VPS13A: variants seen among roughly 807,000 people sequenced by gnomAD.
VPS13A encodes vacuolar protein sorting 13 homolog A.
In VPS13A, 264 loss-of-function variants were observed where a neutral mutation model predicts 390.9. The ratio of observed to expected loss-of-function variants is 0.68; its 90% CI spans 0.61 to 0.75. The LOEUF is 0.75. VPS13A is among the 30% of genes least tolerant of loss of function. The pLI is 0.00. For synonymous variants in VPS13A, 1,231 were observed against 1,227.1 expected, an observed-to-expected ratio of 1.00 and a Z score of -0.07; for missense variants, 3,409 against 3,733.9, an observed-to-expected ratio of 0.91 and a Z score of 2.27.
At chr9:77,186,988 C>CA (rs1824379021) in intron 1 of VPS13A, among the ~76,000 whole-genome samples, 1 of 152,100 alleles carries the variant, frequency 6.6e-6, no homozygotes, top group South Asian at 2.1e-4. Context: ...CAGTATTTGC[C>CA]ATTTGTTATT....
chr9:77,379,407 A>G (rs1833308086), intron 67 of VPS13A, among the ~76,000 whole-genome samples: 1 of 151,804 alleles, frequency 6.6e-6, no homozygotes, highest in South Asian at 2.1e-4. Context: ...CACCCGGCTA[A>G]TTTTGTATTT....
intron 53 of VPS13A, 137 bp downstream of exon 53, chr9:77,351,583 C>A: frequency 9.0e-7 from 1 of 1,114,960 alleles, no homozygotes; most frequent in Non-Finnish European, 1.3e-6. Context: ...TCAGCCTGGC[C>A]AATAAGGTGA....
intron 59 of VPS13A, among the ~76,000 whole-genome samples, chr9:77,364,185 G>T (rs908814883): frequency 2.0e-5 from 3 of 152,110 alleles, no homozygotes; most frequent in African/African-American, 7.2e-5. Flanking sequence ...CAGCACTTTG[G>T]GAGGCCAAGG....
chr9:77,317,728 T>C, intron 40 of VPS13A, 30 bp downstream of exon 40: 1 of 1,507,514 alleles, frequency 6.6e-7, no homozygotes, highest in Non-Finnish European at 9.0e-7. Context: ...TTTGAATATT[T>C]AGTGCACTTA....
At chr9:77,402,768 C>CTAAG (rs1434516833) in intron 68 of VPS13A, among the ~76,000 whole-genome samples, 1 of 152,048 alleles carries the variant, frequency 6.6e-6, no homozygotes, top group East Asian at 1.9e-4. Flanking sequence ...TTATTTTTTA[C>CTAAG]TAAGTTGTGA....
In VPS13A at chr9:77,314,664, G is replaced by T. The variant is rs558129697; in HGVS notation, c.4412G>T (p.Arg1471Leu). The T allele has an allele frequency of 3.7e-6, 6 of 1,610,450 alleles. No homozygotes were observed. The African/African-American group carries it at 8.0e-5, about 22-fold the overall frequency. ...KRPHVKKATP[R>L]MIGLTVGFDK... ...CCTCATGTCAAGAAAGCAACTCCTC[G>T]GTATGTATTGTAATGATGTTCTAAG... The change falls in exon 37 of 72, where the codon CGA becomes CTA. Residue 1471 changes from arginine (R) to leucine (L), a missense_variant and splice_region_variant. By Grantham distance (102) the Arg-to-Leu change is moderately radical. Coordinates refer to ENST00000360280, the MANE Select transcript of VPS13A (RefSeq NM_033305.3).
At chr9:77,346,537 C>A (rs1373807477) in intron 52 of VPS13A, among the ~76,000 whole-genome samples, 1 of 152,082 alleles carries the variant, frequency 6.6e-6, no homozygotes, top group African/African-American at 2.4e-5. Flanking sequence ...TTAATTAGGT[C>A]CCATCTATTT....
rs1823149922 is a variant in VPS13A at position 77,220,530 on chromosome 9, C to T, written c.989+147C>T. 4.7e-6 allele frequency: 3 copies of T among 639,306 alleles called. No homozygotes were observed. The South Asian group carries it at 6.0e-5, about 13-fold the overall frequency. The allele number at this position is 639,306 out of a possible 1,614,324, so 39.6% of individuals were successfully genotyped here. On this transcript the variant is annotated intron_variant, in intron 12 of 71. Coordinates refer to ENST00000360280, the MANE Select transcript of VPS13A (RefSeq NM_033305.3). ...GATTTATAGCTAGAAATATATGTAG[C>T]TGCTTTAGCTTATTGAGTTAATGAA...
At position 77,398,619 on chromosome 9, in the gene VPS13A, A is replaced by G. The variant is rs73451857; in HGVS notation, c.9190-4617A>G. 3.6e-3 allele frequency among the ~76,000 whole-genome samples: 542 copies of G among 152,246 alleles called. 3 individuals carry two copies. The highest frequency in any genetic ancestry group is 0.012 in the African/African-American group (517 of 41,550). On this transcript the variant is annotated intron_variant, in intron 68 of 71. Transcript: ENST00000360280. Reference sequence around the variant, plus strand: ...GGCAGGAATTTGTGACTACAACGTGACATTTGTAGACTTTTTACAGCGTGA... The same window carrying G: ...GGCAGGAATTTGTGACTACAACGTGGCATTTGTAGACTTTTTACAGCGTGA...
In VPS13A at chr9:77,323,150, GGCGT is replaced by G; in HGVS notation, c.5915_5918del (p.Gly1972ValfsTer12). 6.2e-7 allele frequency: 1 copy of G among 1,613,592 alleles called. No individual in the cohort carries two copies. The highest frequency in any genetic ancestry group is 8.5e-7 in the Non-Finnish European group (1 of 1,179,678). On this transcript the variant is annotated frameshift_variant, in exon 45 of 72. Transcript: ENST00000360280. LOFTEE classifies it high-confidence loss of function. ...GTACACTGTAAGACACAGAGAGTCT[GGCGT>G]TGAAAGATCTATTGTTTGTCAAATT... is the stretch of plus-strand genomic sequence containing the variant.
intron 10 of VPS13A, among the ~76,000 whole-genome samples, chr9:77,217,840 A>T (rs553408641): frequency 6.7e-6 from 1 of 149,612 alleles, no homozygotes; most frequent in African/African-American, 2.5e-5. Context: ...CCAGTAATGG[A>T]ATTGCTGGAT....
intron 67 of VPS13A, among the ~76,000 whole-genome samples, chr9:77,373,251 G>A (rs1832881987): frequency 6.7e-6 from 1 of 149,008 alleles, no homozygotes; most frequent in Admixed American, 6.8e-5. Flanking sequence ...CAAGGCTACA[G>A]TAACCAAAAG....
At position 77,319,702 on chromosome 9, in the gene VPS13A, A is replaced by G. The variant is rs781056768; in HGVS notation, c.5415+29A>G. On this transcript the variant is annotated intron_variant, in intron 42 of 71. Transcript: ENST00000360280. Reference sequence around the variant, plus strand: ...TATCTATATATGTCTATGTGTGTATATATATATATATGTATTTTAAAAGAC... The same window carrying G: ...TATCTATATATGTCTATGTGTGTATGTATATATATATGTATTTTAAAAGAC... 3.4e-4 allele frequency: 371 copies of G among 1,106,354 alleles called. 1 individual carries two copies. Among genetic ancestry groups the G allele is most frequent in the Non-Finnish European group, 4.6e-4 (349 of 757,170 alleles). The allele number at this position is 1,106,354 out of a possible 1,614,324, so 68.5% of individuals were successfully genotyped here.
chr9:77,405,881 C>T lies in VPS13A; in HGVS notation c.9293C>T (p.Thr3098Ile). 1.2e-6 allele frequency: 2 copies of T among 1,613,544 alleles called. No individual in the cohort carries two copies. Among genetic ancestry groups the T allele is most frequent in the Non-Finnish European group, 1.7e-6 (2 of 1,179,932 alleles). The change falls in exon 70 of 72, where the codon ACA becomes ATA. Residue 3098 changes from threonine to isoleucine, a missense_variant. Physicochemically the swap from Thr to Ile is moderately conservative, Grantham distance 89. Around this residue, in one of 5 missense-constraint regions of VPS13A, gnomAD observed 318 missense variants for 333.7 expected, o/e 0.95. Transcript: ENST00000360280. ...MITRRGVLFVTKGTFGQLTCE... is the reference protein window; with the variant it reads ...MITRRGVLFVIKGTFGQLTCE... ...TTTTGCAGTGGTGTATTGTTTGTAA[C>T]AAAGGGAACATTTGGACAACTCACG...
rs372217109 is a variant in VPS13A at position 77,406,883 on chromosome 9, T to C, written c.9400-650T>C. Reference sequence around the variant, plus strand: ...AGGAAAACATCATCCTTGTCCTCAATAGTTTCACTTCTGTTTGCCCCTGAT... The same window carrying C: ...AGGAAAACATCATCCTTGTCCTCAACAGTTTCACTTCTGTTTGCCCCTGAT... On this transcript the variant is annotated intron_variant, in intron 70 of 71. Transcript: ENST00000360280. Among the ~76,000 whole-genome samples the C allele has an allele frequency of 7.9e-5, 12 of 152,298 alleles. No homozygotes were observed. The East Asian group carries it at 1.5e-3, about 20-fold the overall frequency.
At chr9:77,205,525 T>C in intron 4 of VPS13A, 117 bp downstream of exon 4, 1 of 421,226 alleles carries the variant, frequency 2.4e-6, no homozygotes, top group Non-Finnish European at 4.0e-6. Context: ...AATTTGATAT[T>C]TGTTAATTCA....
intron 35 of VPS13A, among the ~76,000 whole-genome samples, chr9:77,308,945 C>T (rs1828915453): frequency 6.6e-6 from 1 of 151,970 alleles, no homozygotes. Flanking sequence ...TCAAACTAGT[C>T]CTTTATTGTT....
intron 58 of VPS13A, 58 bp downstream of exon 58, chr9:77,359,460 A>G (rs1832013625): frequency 1.4e-6 from 2 of 1,399,832 alleles, no homozygotes; most frequent in Non-Finnish European, 2.0e-6. Flanking sequence ...AAATATATGA[A>G]TTGTTTGTAC....
Position 77,221,051 on chromosome 9 carries a change from G to A in VPS13A, c.990-134G>A, listed in dbSNP as rs920842657. ...TAATGCAAATGGAGTTGGGTAAAAA[G>A]GAAGTACTCAGATAATATATCATTT... On this transcript the variant is annotated intron_variant, in intron 12 of 71. Coordinates refer to ENST00000360280, the MANE Select transcript of VPS13A (RefSeq NM_033305.3). 1.1e-5 allele frequency: 9 copies of A among 847,844 alleles called. No homozygotes were observed. In the Admixed American group the frequency reaches 2.0e-4, roughly 19 times the overall value. 52.5% of individuals were successfully genotyped at this position (847,844 alleles called of 1,614,324 possible). A position where few individuals can be genotyped will look rare whatever the true frequency, so the allele number is the denominator to read the frequency against.
Sources: gnomAD v4.1 joint callset for allele counts (sites outside exome capture counted in the v4.1 genomes callset) on GRCh38, gnomAD v4.1.1 for gene constraint, gnomAD v4.1.1 regional missense constraint, MANE v1.5 for transcripts, NCBI Gene and HGNC (gene_info 2026-07-23, HGNC 2026-07-21) for gene names.